CEP350: variants seen among roughly 807,000 people sequenced by gnomAD.
CEP350 encodes centrosome-associated protein 350.
A neutral mutation model predicts 331.8 loss-of-function variants in CEP350; 126 were observed. The ratio of observed to expected loss-of-function variants is 0.38; its 90% CI spans 0.33 to 0.44. CEP350 has a LOEUF of 0.44. Ranked by LOEUF, CEP350 falls within the 20% of genes least tolerant of loss-of-function variation. CEP350 has a pLI of 1.00. For synonymous variants in CEP350, 1,200 were observed against 1,259.5 expected (o/e 0.95, Z 1.00); for missense variants, 3,406 against 3,634.6 (o/e 0.94, Z 1.62).
At chr1:179,994,152 A>G (rs1653300418) in intron 5 of CEP350, among the ~76,000 whole-genome samples, 1 of 152,212 alleles carries the variant, frequency 6.6e-6, no homozygotes, top group South Asian at 2.1e-4. Flanking sequence ...GAACATCCTT[A>G]TATGTATTCA....
intron 21 of CEP350, among the ~76,000 whole-genome samples, chr1:180,047,771 A>G (rs1657226455): frequency 6.6e-6 from 1 of 150,708 alleles, no homozygotes; most frequent in Non-Finnish European, 1.5e-5. Flanking sequence ...AAAAAAAAAA[A>G]AAAAAAAGAA....
intron 34 of CEP350, chr1:180,095,025 A>G (rs1660402144): frequency 5.5e-6 from 1 of 182,728 alleles, no homozygotes; most frequent in South Asian, 1.3e-4. Context: ...AATTGTTTAC[A>G]TATCTACTCA....
At chr1:180,013,428 A>C (rs1360405805) in intron 9 of CEP350, among the ~76,000 whole-genome samples, 3 of 152,132 alleles carry the variant, frequency 2.0e-5, no homozygotes, top group Non-Finnish European at 2.9e-5. Flanking sequence ...AGGCATTGCC[A>C]TTTCCTTGCT....
chr1:180,051,736 G>A (rs1657514517), intron 22 of CEP350, among the ~76,000 whole-genome samples: 1 of 152,192 alleles, frequency 6.6e-6, no homozygotes, highest in South Asian at 2.1e-4. Flanking sequence ...GGGGTTGGGG[G>A]AAAGAGCTGA....
chr1:180,109,251 C>T (rs1459199642), intron 37 of CEP350, among the ~76,000 whole-genome samples: 2 of 151,318 alleles, frequency 1.3e-5, no homozygotes, highest in African/African-American at 4.9e-5. Context: ...CTCTGAGTAG[C>T]TGCGATTACA....
chr1:180,038,587 A>G (rs897608588), intron 17 of CEP350, among the ~76,000 whole-genome samples: 5 of 152,168 alleles, frequency 3.3e-5, no homozygotes, highest in Non-Finnish European at 7.4e-5. Flanking sequence ...ATTGAGTATG[A>G]AGTAGTATCT....
chr1:179,962,841 G>A (rs1460454281), intron 1 of CEP350, among the ~76,000 whole-genome samples: 13 of 152,164 alleles, frequency 8.5e-5, no homozygotes, highest in African/African-American at 3.1e-4. Flanking sequence ...ATACCCAGTA[G>A]TGGGAATGCT....
At chr1:180,044,448 T>A (rs532667437) in intron 21 of CEP350, among the ~76,000 whole-genome samples, 1 of 152,188 alleles carries the variant, frequency 6.6e-6, no homozygotes, top group East Asian at 1.9e-4. Flanking sequence ...GATGGTATTA[T>A]CCTTATAGGT....
intron 17 of CEP350, among the ~76,000 whole-genome samples, chr1:180,040,647 A>ATAT (rs376804329): frequency 2.0e-5 from 3 of 150,246 alleles, no homozygotes; most frequent in Non-Finnish European, 3.0e-5. Flanking sequence ...TGAAAAAAAA[A>ATAT]ATATATATAT....
Position 180,111,313 on chromosome 1 carries a change from G to T in CEP350, c.*152G>T. 1.2e-6 allele frequency: 1 copy of T among 850,704 alleles called. No homozygotes were observed. Among genetic ancestry groups the T allele is most frequent in the Admixed American group, 3.0e-5 (1 of 33,306 alleles). 52.7% of individuals were successfully genotyped at this position (850,704 alleles called of 1,614,324 possible). On this transcript the variant is annotated 3_prime_UTR_variant, in exon 38 of 38. Transcript: ENST00000367607. Reference sequence around the variant, plus strand: ...AGTATGGAGTTCATAGGACAATGTGGTACACCTGGTATTACAGCCTTTGCC... The same window carrying T: ...AGTATGGAGTTCATAGGACAATGTGTTACACCTGGTATTACAGCCTTTGCC...
At position 180,106,470 on chromosome 1, in the gene CEP350, G is replaced by T. The variant is rs372250519; in HGVS notation, c.9190-4527G>T. On this transcript the variant is annotated intron_variant, in intron 37 of 37. Coordinates refer to ENST00000367607, the MANE Select transcript of CEP350 (RefSeq NM_014810.5). The stretch of plus-strand genomic sequence containing the variant: ...TAAAACATTAGTATTGTCTCCTGTT[G>T]TCTGATATAGTTTTGAGTCCCTTCA... Among the ~76,000 whole-genome samples the T allele has an allele frequency of 1.9e-4, 29 of 152,280 alleles. 3 individuals are homozygous for T. The highest frequency in any genetic ancestry group is 1.7e-3 in the Admixed American group (26 of 15,306).
intron 26 of CEP350, among the ~76,000 whole-genome samples, chr1:180,064,058 C>A (rs1234624217): frequency 6.6e-6 from 1 of 152,050 alleles, no homozygotes; most frequent in Non-Finnish European, 1.5e-5. Context: ...AAGTGGGTGC[C>A]CTTCTCATTC....
chr1:179,999,729 A>T (rs1351740176), intron 6 of CEP350, among the ~76,000 whole-genome samples: 1 of 152,144 alleles, frequency 6.6e-6, no homozygotes, highest in South Asian at 2.1e-4. Flanking sequence ...TTTTGCAAAC[A>T]TAAGCAAATA....
At chr1:180,032,733 T>C (rs534316646) in intron 15 of CEP350, among the ~76,000 whole-genome samples, 5 of 152,238 alleles carry the variant, frequency 3.3e-5, no homozygotes, top group African/African-American at 1.2e-4. Flanking sequence ...AATATACTTT[T>C]AGAAATGCTA....
At chr1:180,079,493 A>G (rs1003659412) in intron 29 of CEP350, among the ~76,000 whole-genome samples, 1 of 151,898 alleles carries the variant, frequency 6.6e-6, no homozygotes, top group African/African-American at 2.4e-5. Context: ...TTATTCATTG[A>G]AGAGCCTATT....
At position 180,020,405 on chromosome 1, in the gene CEP350, A is replaced by G; in HGVS notation, c.2631A>G (p.Val877=). The G allele has an allele frequency of 6.2e-7, 1 of 1,613,886 alleles. No individual in the cohort carries two copies. The highest frequency in any genetic ancestry group is 8.5e-7 in the Non-Finnish European group (1 of 1,179,902). ...AAGATGGACCTTGGACCAAGGCTGTAACTCCACCTGTGAAAGATGATAATG... is the reference window on the plus strand; with the variant it reads ...AAGATGGACCTTGGACCAAGGCTGTGACTCCACCTGTGAAAGATGATAATG... ...PQEDGPWTKA[V]TPPVKDDNED... is the part of the protein sequence containing the mutation. The change falls in exon 12 of 38, where the codon GTA becomes GTG. Residue 877 remains valine (V), a synonymous_variant. Coordinates refer to ENST00000367607, the MANE Select transcript of CEP350 (RefSeq NM_014810.5).
intron 27 of CEP350, chr1:180,074,048 TTTTG>T: frequency 2.8e-6 from 2 of 702,902 alleles, no homozygotes; most frequent in Non-Finnish European, 4.1e-6. Flanking sequence ...AAATTTTACC[TTTTG>T]TTTCCACATT....
intron 24 of CEP350, 97 bp from the exon 25 acceptor site, chr1:180,054,318 T>A (rs939322457): frequency 1.0e-6 from 1 of 976,988 alleles, no homozygotes; most frequent in East Asian, 2.6e-5. Context: ...AATGTTAAAT[T>A]GGTTTGTAGA....
intron 1 of CEP350, among the ~76,000 whole-genome samples, chr1:179,976,216 T>A: frequency 7.6e-6 from 1 of 131,704 alleles, no homozygotes; most frequent in South Asian, 2.7e-4. Context: ...TTCATAAGAA[T>A]AAGCCTGTAA....
Sources: gnomAD v4.1 joint callset for allele counts (sites outside exome capture counted in the v4.1 genomes callset) on GRCh38, gnomAD v4.1.1 for gene constraint, MANE v1.5 for transcripts, NCBI Gene and HGNC (gene_info 2026-07-23, HGNC 2026-07-21) for gene names.